The following RNF212B variants were observed in gnomAD, a reference collection of about 807,000 sequenced individuals.
RNF212B encodes the protein ring finger protein 212B, also known as E3 ubiquitin-protein ligase RNF212B.
Under a neutral mutation model 55.5 loss-of-function variants are expected in RNF212B, and 52 were observed. The ratio of observed to expected loss-of-function variants is 0.94; its 90% CI spans 0.75 to 1.18. The LOEUF is 1.18. RNF212B is among the 50% of genes most tolerant of loss of function. The pLI is 0.00. For missense variants in RNF212B, 289 were observed against 350.4 expected, an observed-to-expected ratio of 0.82 and a Z score of 1.40; for synonymous variants, 99 against 121.4, an observed-to-expected ratio of 0.82 and a Z score of 1.21.
chr14:23,269,045 C>A, intron 12 of RNF212B, 82 bp downstream of exon 12: 1 of 1,186,420 alleles, frequency 8.4e-7, no homozygotes, highest in East Asian at 2.6e-5. Context: ...TGGCTCACGC[C>A]TGTAATCCCA....
At chr14:23,185,676 G>A (rs557994660) in intron 1 of RNF212B, among the ~76,000 whole-genome samples, 15 of 152,282 alleles carry the variant, frequency 9.9e-5, no homozygotes, top group Non-Finnish European at 4.4e-5. Context: ...GATCAAATAC[G>A]TTCTTGGAAT....
intron 7 of RNF212B, chr14:23,261,186 G>T: frequency 3.2e-6 from 1 of 308,106 alleles, no homozygotes; most frequent in Non-Finnish European, 6.4e-6. Flanking sequence ...AAAGGAAGGA[G>T]GAAGTAACTT....
intron 1 of RNF212B, among the ~76,000 whole-genome samples, chr14:23,192,962 C>T (rs1030162202): frequency 1.6e-4 from 24 of 151,786 alleles, no homozygotes; most frequent in African/African-American, 5.6e-4. Context: ...CATGGTGGCA[C>T]ATGCCTGTAA....
At chr14:23,263,830 G>A (rs1270502559) in intron 9 of RNF212B, among the ~76,000 whole-genome samples, 2 of 152,196 alleles carry the variant, frequency 1.3e-5, no homozygotes, top group Admixed American at 1.3e-4. Context: ...GCTTATGCCT[G>A]TAATCCCAGC....
intron 2 of RNF212B, among the ~76,000 whole-genome samples, chr14:23,240,715 A>T (rs992181318): frequency 6.6e-6 from 1 of 152,248 alleles, no homozygotes; most frequent in African/African-American, 2.4e-5. Context: ...GAAAGCCACA[A>T]GGCATCAGAT....
rs543464230 is a variant in RNF212B at position 23,185,692 on chromosome 14, G to A, written c.-79+202G>A. 3.9e-5 allele frequency among the ~76,000 whole-genome samples: 6 copies of A among 152,296 alleles called. No individual in the cohort carries two copies. In the East Asian group the frequency reaches 9.6e-4, roughly 24 times the overall value. On this transcript the variant is annotated intron_variant, in intron 1 of 15. Transcript: ENST00000399910. The stretch of plus-strand genomic sequence containing the variant: ...ATCAAATACGTTCTTGGAATACAGC[G>A]GTACTAGGTGCACACGTTGGAAAGG...
intron 11 of RNF212B, among the ~76,000 whole-genome samples, chr14:23,264,925 G>A (rs562986139): frequency 1.4e-4 from 22 of 151,778 alleles, no homozygotes; most frequent in African/African-American, 4.8e-4. Context: ...ATGTTCAAGC[G>A]ATTCTCCTGC....
intron 3 of RNF212B, 115 bp from the exon 4 acceptor site, chr14:23,244,207 A>G: frequency 1.5e-5 from 9 of 584,968 alleles, no homozygotes; most frequent in South Asian, 4.6e-5. Context: ...TTTTACACAC[A>G]GTGGAGATAA....
intron 4 of RNF212B, among the ~76,000 whole-genome samples, chr14:23,246,119 T>TG (rs1883961134): frequency 3.9e-5 from 6 of 151,986 alleles, no homozygotes. Context: ...TCTGTAAGTC[T>TG]GTAAGTTTTC....
At chr14:23,212,891 T>G (rs944592938) in intron 2 of RNF212B, among the ~76,000 whole-genome samples, 5 of 151,812 alleles carry the variant, frequency 3.3e-5, no homozygotes, top group African/African-American at 1.2e-4. Flanking sequence ...TTTTACAATT[T>G]TTTGAAGTAA....
chr14:23,269,754 A>G (rs1235692028), intron 12 of RNF212B, 109 bp from the exon 13 acceptor site: 1 of 633,102 alleles, frequency 1.6e-6, no homozygotes, highest in Admixed American at 2.9e-5. Context: ...GCAAGCAGGG[A>G]ATTTTTTCCT....
At chr14:23,242,081 CAAAAAAAAAAAA>C (rs58497672) in intron 2 of RNF212B, among the ~76,000 whole-genome samples, 3 of 36,646 alleles carry the variant, frequency 8.2e-5, no homozygotes, top group African/African-American at 1.1e-4. Context: ...GACTCCGTCT[CAAAAAAAAAAAA>C]AAAAAAAAAA....
chr14:23,200,417 C>T (rs111358545), intron 2 of RNF212B, among the ~76,000 whole-genome samples: 175 of 152,154 alleles, frequency 1.2e-3, no homozygotes, highest in African/African-American at 4.0e-3. Flanking sequence ...CCTCTGCCTC[C>T]TGGGATCAAG....
intron 2 of RNF212B, among the ~76,000 whole-genome samples, chr14:23,219,464 TCTTCTC>T (rs923225713): frequency 2.7e-5 from 4 of 146,988 alleles, no homozygotes; most frequent in African/African-American, 1.0e-4. Context: ...GCGCTCTCCT[TCTTCTC>T]CTTCTAGTTT....
chr14:23,249,998 G>A (rs935434274), intron 4 of RNF212B, among the ~76,000 whole-genome samples: 1 of 152,004 alleles, frequency 6.6e-6, no homozygotes, highest in Non-Finnish European at 1.5e-5. Context: ...TTACCTTAAC[G>A]TTCTGGTTCC....
At chr14:23,263,816 A>G (rs1026044743) in intron 9 of RNF212B, among the ~76,000 whole-genome samples, 1 of 152,216 alleles carries the variant, frequency 6.6e-6, no homozygotes, top group Non-Finnish European at 1.5e-5. Flanking sequence ...GGCTGGGTAC[A>G]GTAGCTTATG....
chr14:23,249,285 G>A (rs767842621), intron 4 of RNF212B, among the ~76,000 whole-genome samples: 3 of 152,184 alleles, frequency 2.0e-5, no homozygotes, highest in Non-Finnish European at 4.4e-5. Context: ...TGGGCCAGGC[G>A]CAGTGGTTCA....
At position 23,262,721 on chromosome 14, in the gene RNF212B, AT is replaced by A; in HGVS notation, c.481+15del. 6.5e-7 allele frequency: 1 copy of A among 1,549,816 alleles called. No homozygotes were observed. The highest frequency in any genetic ancestry group is 8.7e-7 in the Non-Finnish European group (1 of 1,146,472). On this transcript the variant is annotated intron_variant, in intron 8 of 14. Coordinates refer to ENST00000430154, the MANE Select transcript of RNF212B (RefSeq NM_001282322.3). Reference sequence around the variant, plus strand: ...TCCCCATCACAGTCAGGTGGAGAACATTTTTCCCCTAAATATCTGTGTGAGA... The same window carrying A: ...TCCCCATCACAGTCAGGTGGAGAACATTTTCCCCTAAATATCTGTGTGAGA...
chr14:23,233,261 A>AAACACTGCGGAAGGCC (rs1307373586), upstream of RNF212B, among the ~76,000 whole-genome samples: 1 of 152,186 alleles, frequency 6.6e-6, no homozygotes, highest in Non-Finnish European at 1.5e-5. Context: ...CCAGCGACAC[A>AAACACTGCGGAAGGCC]AACACTGCGG....
Sources: allele counts gnomAD v4.1 joint callset (sites outside exome capture counted in the v4.1 genomes callset), GRCh38; gene constraint gnomAD v4.1.1; transcripts MANE v1.5; gene names NCBI Gene and HGNC (gene_info 2026-07-23, HGNC 2026-07-21).